The following TTLL11 variants were observed in gnomAD, a reference collection of about 807,000 sequenced individuals.
TTLL11 encodes tubulin tyrosine ligase like 11.
Under a neutral mutation model 51.7 loss-of-function variants are expected in TTLL11, and 42 were observed. The observed-to-expected ratio is 0.81, with a 90% CI of 0.64 to 1.05. The LOEUF (loss-of-function observed/expected upper bound fraction) is 1.05, where lower values mean the gene tolerates loss of function less well. TTLL11 is among the 50% of genes least tolerant of loss of function. The probability of loss-of-function intolerance (pLI) is 0.00; values close to 1 mark genes in which losing one functional copy is unlikely to be tolerated. For synonymous variants in TTLL11, 381 were observed against 383.5 expected (o/e 0.99, Z 0.08); for missense variants, 799 against 940.4 (o/e 0.85, Z 1.97).
intron 8 of TTLL11, among the ~76,000 whole-genome samples, chr9:121,851,347 A>G (rs979980560): frequency 1.3e-5 from 2 of 152,210 alleles, no homozygotes; most frequent in South Asian, 4.1e-4. Flanking sequence ...TAATATACCA[A>G]GGTTTTTCCA....
chr9:122,039,194 T>G, intron 2 of TTLL11, 78 bp downstream of exon 2: 1 of 1,193,008 alleles, frequency 8.4e-7, no homozygotes, highest in Non-Finnish European at 1.2e-6. Flanking sequence ...CAAAAATAAC[T>G]GTCATGTTTT....
chr9:122,059,212 T>A (rs1845376065), intron 1 of TTLL11, among the ~76,000 whole-genome samples: 1 of 152,188 alleles, frequency 6.6e-6, no homozygotes, highest in South Asian at 2.1e-4. Flanking sequence ...AATTAATTCA[T>A]CCACTTGACA....
intron 6 of TTLL11, among the ~76,000 whole-genome samples, chr9:121,939,815 G>A (rs1386366612): frequency 6.6e-6 from 1 of 152,146 alleles, no homozygotes. Flanking sequence ...GCAGACAGCA[G>A]GTAAGGCACC....
At chr9:121,875,488 A>G (rs1838531350) in intron 6 of TTLL11, among the ~76,000 whole-genome samples, 1 of 152,170 alleles carries the variant, frequency 6.6e-6, no homozygotes, top group Non-Finnish European at 1.5e-5. Context: ...CCAATTAATA[A>G]CCTCACGATG....
intron 1 of TTLL11, among the ~76,000 whole-genome samples, chr9:122,041,384 C>T (rs1336666798): frequency 6.6e-6 from 1 of 152,136 alleles, no homozygotes; most frequent in African/African-American, 2.4e-5. Flanking sequence ...GACAAAGATG[C>T]CCACTTTTAT....
intron 3 of TTLL11, among the ~76,000 whole-genome samples, chr9:122,001,369 T>C (rs547541824): frequency 6.6e-6 from 1 of 152,176 alleles, no homozygotes; most frequent in Non-Finnish European, 1.5e-5. Context: ...GTGTTGGGAT[T>C]ACAGGCTTCC....
intron 6 of TTLL11, among the ~76,000 whole-genome samples, chr9:121,937,481 G>A (rs1414108944): frequency 2.0e-5 from 3 of 152,148 alleles, no homozygotes; most frequent in Non-Finnish European, 4.4e-5. Flanking sequence ...TCCCCCAATT[G>A]CTTTGCTGTG....
At chr9:121,937,367 A>G (rs1841276667) in intron 6 of TTLL11, among the ~76,000 whole-genome samples, 2 of 152,228 alleles carry the variant, frequency 1.3e-5, no homozygotes, top group Non-Finnish European at 2.9e-5. Context: ...GCATACAAAA[A>G]TGAAATAACT....
chr9:121,854,389 T>C (rs542898370), intron 8 of TTLL11, among the ~76,000 whole-genome samples: 1 of 152,316 alleles, frequency 6.6e-6, no homozygotes, highest in Non-Finnish European at 1.5e-5. Context: ...TGAGCTCTCA[T>C]GGGAAGGGGA....
chr9:121,975,753 CAG>C lies in TTLL11; in HGVS notation c.1270-776_1270-775del, dbSNP rs1288083364. On this transcript the variant is annotated intron_variant, in intron 4 of 8. Coordinates refer to ENST00000321582, the MANE Select transcript of TTLL11 (RefSeq NM_001139442.2). The stretch of plus-strand genomic sequence containing the variant: ...AACAAAAAAACCCACCACATCCCTA[CAG>C]AGTCAGAAGTGCTTAGAGCGGAACC... Among the ~76,000 whole-genome samples the C allele has an allele frequency of 4.6e-5, 7 of 152,054 alleles. No homozygotes were observed. In the South Asian group the frequency reaches 6.2e-4, roughly 14 times the overall value.
At chr9:121,907,897 A>G (rs1051869660) in intron 6 of TTLL11, among the ~76,000 whole-genome samples, 15 of 152,238 alleles carry the variant, frequency 9.9e-5, no homozygotes, top group African/African-American at 3.6e-4. Context: ...GTTGCATGCT[A>G]AAAAGTTTTG....
intron 3 of TTLL11, among the ~76,000 whole-genome samples, chr9:122,009,847 C>T (rs1418379677): frequency 6.6e-6 from 1 of 151,876 alleles, no homozygotes; most frequent in East Asian, 1.9e-4. Context: ...AATCTAAATC[C>T]AGTCCATGAA....
chr9:122,063,122 G>C (rs770118755), intron 1 of TTLL11, among the ~76,000 whole-genome samples: 14 of 152,046 alleles, frequency 9.2e-5, no homozygotes, highest in African/African-American at 2.7e-4. Flanking sequence ...TCCTTTGCCC[G>C]AATTTTTTTT....
At chr9:121,884,519 G>A (rs969646170) in intron 6 of TTLL11, 2 of 152,484 alleles carry the variant, frequency 1.3e-5, no homozygotes, top group African/African-American at 4.8e-5. Context: ...GGGAGGTGGT[G>A]GTCCAGGGAT....
intron 1 of TTLL11, among the ~76,000 whole-genome samples, chr9:122,042,874 C>T (rs1844884007): frequency 6.6e-6 from 1 of 152,166 alleles, no homozygotes; most frequent in Non-Finnish European, 1.5e-5. Context: ...AACTAAACTA[C>T]ATTCTGGAAA....
rs1485221606 is a variant in TTLL11 at position 121,995,511 on chromosome 9, A to C, written c.694-5741T>G. On this transcript the variant is annotated intron_variant, in intron 3 of 8. Transcript: ENST00000321582. The surrounding 1 kb of genome is among the most constrained non-coding windows in gnomAD (Gnocchi z 4.4). ...ACAGATGTGAAAGGCGAGAGAGGAA[A>C]GGGTCATGGGTGAGCTCACGGTTTG... is the stretch of plus-strand genomic sequence containing the variant. 6.6e-6 allele frequency among the ~76,000 whole-genome samples: 1 copy of C among 152,104 alleles called. No homozygotes were observed. Among genetic ancestry groups the C allele is most frequent in the Non-Finnish European group, 1.5e-5 (1 of 68,012 alleles).
At chr9:121,948,752 G>A (rs554153047) in intron 6 of TTLL11, among the ~76,000 whole-genome samples, 4 of 152,308 alleles carry the variant, frequency 2.6e-5, no homozygotes, top group South Asian at 4.1e-4. Flanking sequence ...AAGCATGTGC[G>A]CTGCAGAGTG....
At chr9:121,904,808 G>T (rs1195027780) in intron 6 of TTLL11, among the ~76,000 whole-genome samples, 4 of 152,168 alleles carry the variant, frequency 2.6e-5, no homozygotes, top group Admixed American at 1.3e-4. Flanking sequence ...TTCTACCAAG[G>T]CAACAGGTGT....
At position 122,003,853 on chromosome 9, in the gene TTLL11, T is replaced by C. The variant is rs888951845; in HGVS notation, c.694-14083A>G. Among the ~76,000 whole-genome samples the C allele has an allele frequency of 3.3e-5, 5 of 150,838 alleles. No homozygotes were observed. In the South Asian group the frequency reaches 6.3e-4, roughly 19 times the overall value. ...TGTCTCGGCCAGGCATGGTGGCTCA[T>C]GCCTGTAAAATCCCAGCACTTTGGG... On this transcript the variant is annotated intron_variant, in intron 3 of 8. Transcript: ENST00000321582.
Sources: gnomAD v4.1 joint callset for allele counts (sites outside exome capture counted in the v4.1 genomes callset) on GRCh38, gnomAD v4.1.1 for gene constraint, Gnocchi (gnomAD v3.1) non-coding constraint, MANE v1.5 for transcripts, NCBI Gene and HGNC (gene_info 2026-07-23, HGNC 2026-07-21) for gene names.